COX7B2: variants seen among roughly 807,000 people sequenced by gnomAD.
COX7B2 encodes the protein cytochrome c oxidase subunit 7B2.
For missense variants in COX7B2, 109 were observed against 95.9 expected, an observed-to-expected ratio of 1.14 and a Z score of -0.57; for synonymous variants, 37 against 32.1, an observed-to-expected ratio of 1.15 and a Z score of -0.51.
chr4:46,761,760 T>C (rs1379781865), intron 2 of COX7B2, among the ~76,000 whole-genome samples: 1 of 152,050 alleles, frequency 6.6e-6, no homozygotes, highest in Admixed American at 6.6e-5. Flanking sequence ...CCTTTGAAAG[T>C]ACTAGGGATT....
At chr4:46,825,777 G>A (rs1714647923) in intron 2 of COX7B2, among the ~76,000 whole-genome samples, 1 of 152,056 alleles carries the variant, frequency 6.6e-6, no homozygotes, top group South Asian at 2.1e-4. Context: ...ACAAGCAATG[G>A]GGAAAGACTC....
At chr4:46,752,977 G>A (rs1423318270) in intron 2 of COX7B2, among the ~76,000 whole-genome samples, 1 of 152,150 alleles carries the variant, frequency 6.6e-6, no homozygotes, top group Non-Finnish European at 1.5e-5. Context: ...GATTGGGATA[G>A]TTTCAGAAGG....
chr4:46,856,230 C>T (rs530253865), intron 1 of COX7B2, among the ~76,000 whole-genome samples: 7 of 152,212 alleles, frequency 4.6e-5, no homozygotes, highest in African/African-American at 1.7e-4. Flanking sequence ...CAGAGCAAGA[C>T]TCAGTCTCAA....
intron 1 of COX7B2, among the ~76,000 whole-genome samples, chr4:46,892,217 TG>T (rs1488754414): frequency 6.6e-6 from 1 of 152,194 alleles, no homozygotes; most frequent in Non-Finnish European, 1.5e-5. Context: ...TTATAGATTA[TG>T]GTATAGACTA....
At chr4:46,784,898 A>G (rs1717668311) in intron 2 of COX7B2, among the ~76,000 whole-genome samples, 1 of 152,256 alleles carries the variant, frequency 6.6e-6, no homozygotes, top group African/African-American at 2.4e-5. Flanking sequence ...CTGATAGGTT[A>G]TCATATTTCA....
At chr4:46,859,521 C>T (rs1483179543) in intron 1 of COX7B2, among the ~76,000 whole-genome samples, 2 of 152,084 alleles carry the variant, frequency 1.3e-5, no homozygotes, top group Non-Finnish European at 2.9e-5. Context: ...TTATGAAAGC[C>T]CGAGAGGTCT....
intron 1 of COX7B2, among the ~76,000 whole-genome samples, chr4:46,885,169 G>A (rs963990542): frequency 7.2e-5 from 11 of 151,794 alleles, no homozygotes; most frequent in African/African-American, 9.7e-5. Flanking sequence ...ACTTGTGGCC[G>A]TTTCCCACTC....
At chr4:46,905,810 A>ATTTTTTTT (rs1172630222) in intron 1 of COX7B2, among the ~76,000 whole-genome samples, 13 of 60,438 alleles carry the variant, frequency 2.2e-4, no homozygotes, top group South Asian at 1.1e-3. Context: ...ATAAGCATAT[A>ATTTTTTTT]TTTCTTTTTT....
At chr4:46,876,855 T>C (rs969662869) in intron 1 of COX7B2, 9 of 152,236 alleles carry the variant, frequency 5.9e-5, no homozygotes, top group African/African-American at 2.2e-4. Context: ...TTTGTGAGAC[T>C]TTGTCAAGTA....
chr4:46,865,218 C>A (rs907941550), intron 1 of COX7B2, among the ~76,000 whole-genome samples: 7 of 152,118 alleles, frequency 4.6e-5, no homozygotes, highest in Admixed American at 4.6e-4. Context: ...TTTTCCACTC[C>A]TGTGTTACTT....
At position 46,842,098 on chromosome 4, in the gene COX7B2, C is replaced by T. The variant is rs151073737; in HGVS notation, c.-50+2862G>A. Among the ~76,000 whole-genome samples, 50 of 152,124 alleles carry T rather than the reference C, an allele frequency of 3.3e-4. No individual in the cohort carries two copies. In the East Asian group the frequency reaches 7.5e-3, roughly 23 times the overall value. Reference sequence around the variant, plus strand: ...ATAAAGAAGCCTTCAAGTTCACTAACCTAATACCCCTATTTGTTGTCACTG... The same window carrying T: ...ATAAAGAAGCCTTCAAGTTCACTAATCTAATACCCCTATTTGTTGTCACTG... On this transcript the variant is annotated intron_variant, in intron 2 of 2. Coordinates refer to ENST00000355591, the MANE Select transcript of COX7B2 (RefSeq NM_130902.3).
At chr4:46,890,446 G>A (rs570658115) in intron 1 of COX7B2, among the ~76,000 whole-genome samples, 27 of 152,274 alleles carry the variant, frequency 1.8e-4, no homozygotes, top group African/African-American at 6.3e-4. Flanking sequence ...CAGTTCCTAT[G>A]CCAAAACATT....
At chr4:46,860,796 A>G (rs1385719481) in intron 1 of COX7B2, among the ~76,000 whole-genome samples, 2 of 152,096 alleles carry the variant, frequency 1.3e-5, no homozygotes, top group South Asian at 2.1e-4. Context: ...TTATTTGAGC[A>G]ATTGTGTAAG....
intron 2 of COX7B2, among the ~76,000 whole-genome samples, chr4:46,786,496 C>A (rs1283404258): frequency 6.6e-6 from 1 of 152,046 alleles, no homozygotes; most frequent in East Asian, 1.9e-4. Flanking sequence ...GGAATAAATT[C>A]TCTGGGTGCA....
At chr4:46,822,191 G>A (rs114293688) in intron 2 of COX7B2, among the ~76,000 whole-genome samples, 1,678 of 152,272 alleles carry the variant, frequency 0.011, 20 homozygotes, top group Middle Eastern at 0.041. Context: ...GATTACAGAC[G>A]TGAGCTACCA....
chr4:46,890,996 C>T (rs1719399718), intron 1 of COX7B2, among the ~76,000 whole-genome samples: 3 of 152,134 alleles, frequency 2.0e-5, no homozygotes, highest in Admixed American at 2.0e-4. Flanking sequence ...AGAGATGATG[C>T]TGTCTTGATG....
intron 2 of COX7B2, among the ~76,000 whole-genome samples, chr4:46,754,154 G>A (rs1715595827): frequency 6.6e-6 from 1 of 152,102 alleles, no homozygotes. Context: ...AGTCAGTGTG[G>A]CGATTTTTCA....
At chr4:46,827,777 T>C (rs963159131) in intron 2 of COX7B2, among the ~76,000 whole-genome samples, 2 of 152,208 alleles carry the variant, frequency 1.3e-5, no homozygotes, top group Admixed American at 6.5e-5. Flanking sequence ...TGTCTATATA[T>C]ACCTGTTTTC....
chr4:46,785,491 G>C (rs1431393154), intron 2 of COX7B2, among the ~76,000 whole-genome samples: 1 of 151,670 alleles, frequency 6.6e-6, no homozygotes, highest in African/African-American at 2.4e-5. Flanking sequence ...TCCTGCCTCA[G>C]CCTCCCGAGT....
Sources: gnomAD v4.1 joint callset for allele counts (sites outside exome capture counted in the v4.1 genomes callset) on GRCh38, gnomAD v4.1.1 for gene constraint, MANE v1.5 for transcripts, NCBI Gene and HGNC (gene_info 2026-07-23, HGNC 2026-07-21) for gene names.